The following ADCY2 variants were observed in gnomAD, a reference collection of about 807,000 sequenced individuals.
ADCY2 encodes the protein adenylate cyclase type 2.
A neutral mutation model predicts 125.2 loss-of-function variants in ADCY2; 31 were observed. The observed-to-expected ratio is 0.25, with a 90% CI of 0.19 to 0.33. ADCY2 has a LOEUF of 0.33. Ranked by LOEUF, ADCY2 falls within the 10% of genes least tolerant of loss-of-function variation. The pLI is 1.00. For synonymous variants in ADCY2, 512 were observed against 548.4 expected (o/e 0.93, Z 0.93); for missense variants, 904 against 1,418.2 (o/e 0.64, Z 5.82).
At chr5:7,814,669 A>G (rs1745052111) in intron 22 of ADCY2, among the ~76,000 whole-genome samples, 1 of 152,080 alleles carries the variant, frequency 6.6e-6, no homozygotes, top group Non-Finnish European at 1.5e-5. Flanking sequence ...CCTTGCTGTC[A>G]CCTTGAATAG....
At chr5:7,713,742 G>A (rs1423467516) in intron 11 of ADCY2, among the ~76,000 whole-genome samples, 1 of 152,046 alleles carries the variant, frequency 6.6e-6, no homozygotes, top group Admixed American at 6.6e-5. Context: ...ATTGGTTTGG[G>A]AGTTAATCAA....
chr5:7,829,854 G>C lies in ADCY2; in HGVS notation c.*2983G>C, dbSNP rs1745590211. The C allele has an allele frequency of 2.0e-5, 3 of 152,166 alleles. No individual in the cohort carries two copies. The highest frequency in any genetic ancestry group is 2.0e-4 in the Admixed American group (3 of 15,270). 9.4% of individuals were successfully genotyped at this position (152,166 alleles called of 1,614,324 possible). On this transcript the variant is annotated 3_prime_UTR_variant, in exon 25 of 25. Transcript: ENST00000338316. ...ATATTTTGGGAGGCCGAGGAGAGAG[G>C]ATCACTTAAGCCCAGGAGTCTGAGA...
At chr5:7,470,260 A>C (rs192225460) in intron 2 of ADCY2, among the ~76,000 whole-genome samples, 2 of 151,868 alleles carry the variant, frequency 1.3e-5, no homozygotes, top group African/African-American at 4.8e-5. Context: ...AATTTCATCA[A>C]ATGTGACCAG....
intron 14 of ADCY2, among the ~76,000 whole-genome samples, chr5:7,730,421 G>A (rs973605821): frequency 1.1e-4 from 16 of 152,136 alleles, no homozygotes; most frequent in African/African-American, 3.1e-4. Context: ...AGCTCTGACA[G>A]TAATTATAGT....
At chr5:7,785,493 G>A (rs1414915859) in intron 19 of ADCY2, among the ~76,000 whole-genome samples, 2 of 133,720 alleles carry the variant, frequency 1.5e-5, no homozygotes, top group African/African-American at 2.9e-5. Flanking sequence ...CACCCCTCTT[G>A]CATTTTCTCT....
intron 7 of ADCY2, among the ~76,000 whole-genome samples, chr5:7,705,897 C>A (rs115874426): frequency 6.4e-4 from 98 of 152,248 alleles, no homozygotes; most frequent in African/African-American, 2.3e-3. Flanking sequence ...GCATGACATA[C>A]ATGCCTATGC....
In ADCY2 at chr5:7,626,246, A is replaced by G; in HGVS notation, c.650A>G (p.Gln217Arg). 6.2e-7 allele frequency: 1 copy of G among 1,614,184 alleles called. No homozygotes were observed. The highest frequency in any genetic ancestry group is 8.5e-7 in the Non-Finnish European group (1 of 1,180,010). ...YHKHLMELAL[Q>R]QTYQDTCNCI... ...AAGCACCTCATGGAACTCGCTCTTC[A>G]GCAAACATATCAGGACACCTGTAAT... The change falls in exon 4 of 25, where the codon CAG becomes CGG. Residue 217 changes from glutamine (Q) to arginine (R), a missense_variant. By Grantham distance (43) the Gln-to-Arg change is conservative. Coordinates refer to ENST00000338316, the MANE Select transcript of ADCY2 (RefSeq NM_020546.3).
chr5:7,469,314 A>G (rs1419242010), intron 2 of ADCY2, among the ~76,000 whole-genome samples: 16 of 151,396 alleles, frequency 1.1e-4, no homozygotes, highest in Non-Finnish European at 2.4e-4. Flanking sequence ...TACATTTAAA[A>G]CTGTGATCAC....
Position 7,447,506 on chromosome 5 carries a change from A to T in ADCY2, c.408+32736A>T, listed in dbSNP as rs536428192. Among the ~76,000 whole-genome samples, 6 of 152,296 alleles carry T rather than the reference A, an allele frequency of 3.9e-5. No homozygotes were observed. The East Asian group carries it at 1.2e-3, about 29-fold the overall frequency. ...TCTGTGCTGGTACAGGGTGGCTTCC[A>T]GGTCTGGTCAGGTAATCTCCACACC... is the stretch of plus-strand genomic sequence containing the variant. On this transcript the variant is annotated intron_variant, in intron 2 of 24. Coordinates refer to ENST00000338316, the MANE Select transcript of ADCY2 (RefSeq NM_020546.3).
intron 4 of ADCY2, among the ~76,000 whole-genome samples, chr5:7,662,252 GC>G (rs1739558523): frequency 6.6e-6 from 1 of 152,214 alleles, no homozygotes; most frequent in Admixed American, 6.5e-5. Context: ...TAGGATATCA[GC>G]ATTTCCCAAA....
At chr5:7,629,992 T>C (rs936848099) in intron 4 of ADCY2, among the ~76,000 whole-genome samples, 1 of 152,228 alleles carries the variant, frequency 6.6e-6, no homozygotes, top group Non-Finnish European at 1.5e-5. Flanking sequence ...TTAGAATAAT[T>C]TAACAAATTT....
chr5:7,778,135 G>A (rs1378460306), intron 18 of ADCY2, among the ~76,000 whole-genome samples: 5 of 152,310 alleles, frequency 3.3e-5, no homozygotes, highest in Admixed American at 3.3e-4. Flanking sequence ...GCTCTTCAAG[G>A]TGATGGTGAT....
intron 4 of ADCY2, chr5:7,654,256 C>A: frequency 2.3e-6 from 1 of 425,770 alleles, no homozygotes. Context: ...AGGAAGAAGG[C>A]AATGGCCTGT....
chr5:7,511,580 AG>A (rs1263092092), intron 2 of ADCY2, among the ~76,000 whole-genome samples: 2 of 149,640 alleles, frequency 1.3e-5, no homozygotes, highest in Non-Finnish European at 3.0e-5. Flanking sequence ...GTCTCAAAAA[AG>A]AAAAAAAAAT....
intron 2 of ADCY2, among the ~76,000 whole-genome samples, chr5:7,422,655 T>G (rs6872422): frequency 0.46 from 69,245 of 151,984 alleles, 15,889 homozygotes; most frequent in South Asian, 0.55. Flanking sequence ...TTTTACAGAT[T>G]TGTTAAATTA....
At chr5:7,464,372 A>G (rs1017723057) in intron 2 of ADCY2, among the ~76,000 whole-genome samples, 1 of 152,148 alleles carries the variant, frequency 6.6e-6, no homozygotes, top group Non-Finnish European at 1.5e-5. Context: ...GGTGCCAAAC[A>G]TGTAAGTGAA....
intron 2 of ADCY2, among the ~76,000 whole-genome samples, chr5:7,464,164 A>T (rs1391003795): frequency 1.3e-5 from 2 of 151,840 alleles, no homozygotes; most frequent in Non-Finnish European, 2.9e-5. Context: ...TTTCCTCTTC[A>T]TTGTAAGCTG....
At chr5:7,495,191 C>G (rs896237716) in intron 2 of ADCY2, among the ~76,000 whole-genome samples, 4 of 152,194 alleles carry the variant, frequency 2.6e-5, no homozygotes, top group Admixed American at 1.3e-4. Flanking sequence ...TAATCACCCC[C>G]GTGCCTCACC....
intron 2 of ADCY2, among the ~76,000 whole-genome samples, chr5:7,509,149 C>T (rs979749966): frequency 5.9e-5 from 9 of 152,176 alleles, no homozygotes; most frequent in Non-Finnish European, 1.2e-4. Context: ...GACTTCAGAG[C>T]TCTTAAGAGC....
Sources: gnomAD v4.1 joint callset for allele counts (sites outside exome capture counted in the v4.1 genomes callset) on GRCh38, gnomAD v4.1.1 for gene constraint, MANE v1.5 for transcripts, NCBI Gene and HGNC (gene_info 2026-07-23, HGNC 2026-07-21) for gene names.